The following PSKH1 variants were observed in gnomAD, a reference collection of about 807,000 sequenced individuals.
PSKH1 encodes the protein protein serine kinase H1, also known as serine/threonine-protein kinase H1.
A neutral mutation model predicts 26.7 loss-of-function variants in PSKH1; 12 were observed. That is an observed-to-expected ratio of 0.45 (90% CI 0.29 to 0.73). PSKH1 has a LOEUF of 0.73. PSKH1 is among the 30% of genes least tolerant of loss of function. PSKH1 has a pLI of 0.11. For missense variants in PSKH1, 431 were observed against 595.2 expected (o/e 0.72, Z 2.87); for synonymous variants, 213 against 234.3 (o/e 0.91, Z 0.83).
At chr16:67,908,545 A>C in intron 1 of PSKH1, 135 bp from the exon 2 acceptor site, 1 of 510,658 alleles carries the variant, frequency 2.0e-6, no homozygotes, top group Non-Finnish European at 3.5e-6. Flanking sequence ...TTGGGATTAC[A>C]GGTGTGAGCC....
Position 67,908,932 on chromosome 16 carries a change from C to T in PSKH1, c.183C>T (p.Pro61=). The change falls in exon 2 of 3, where the codon CCC becomes CCT. Residue 61 remains proline, a synonymous_variant. Transcript: ENST00000291041. ...GFPAASQYAH[P]CPGPPTAGHT... ...CAGCAGCAAGTCAGTATGCACACCCCTGCCCCGGTCCCCCGACTGCTGGCC... is the reference window on the plus strand; with the variant it reads ...CAGCAGCAAGTCAGTATGCACACCCTTGCCCCGGTCCCCCGACTGCTGGCC... 6.2e-7 allele frequency: 1 copy of T among 1,613,978 alleles called. No individual in the cohort carries two copies. Among genetic ancestry groups the T allele is most frequent in the Non-Finnish European group, 8.5e-7 (1 of 1,179,906 alleles).
rs1022397318 is a variant in PSKH1 at position 67,927,735 on chromosome 16, T to C, written c.*93T>C. ...GATGCCCTCTCTGGAGATAGGCCTATGTGGCCCACAGTAGGTGAAGAATGT... is the reference window on the plus strand; with the variant it reads ...GATGCCCTCTCTGGAGATAGGCCTACGTGGCCCACAGTAGGTGAAGAATGT... On this transcript the variant is annotated 3_prime_UTR_variant, in exon 3 of 3. Coordinates refer to ENST00000291041, the MANE Select transcript of PSKH1 (RefSeq NM_006742.3). This position sits in a 1 kb window ranked among gnomAD's most constrained non-coding sequence, Gnocchi z 5.5. The C allele has an allele frequency of 3.7e-6, 5 of 1,355,524 alleles. No homozygotes were observed. In the African/African-American group the frequency reaches 5.8e-5, roughly 16 times the overall value. The allele number at this position is 1,355,524 out of a possible 1,614,324, so 84.0% of individuals were successfully genotyped here. A position where few individuals can be genotyped will look rare whatever the true frequency, so the allele number is the denominator to read the frequency against.
chr16:67,917,025 C>T (rs1188436657), intron 2 of PSKH1, among the ~76,000 whole-genome samples: 1 of 152,244 alleles, frequency 6.6e-6, no homozygotes, highest in Non-Finnish European at 1.5e-5. Context: ...TCTGCCTCAA[C>T]TGTTCACGCT....
intron 1 of PSKH1, among the ~76,000 whole-genome samples, chr16:67,907,407 C>T (rs560606893): frequency 6.6e-6 from 1 of 152,054 alleles, no homozygotes; most frequent in East Asian, 1.9e-4. Flanking sequence ...ATTACAGGCG[C>T]CCACCACCAC....
intron 2 of PSKH1, among the ~76,000 whole-genome samples, chr16:67,910,701 C>G (rs932834752): frequency 6.6e-6 from 1 of 152,154 alleles, no homozygotes; most frequent in Admixed American, 6.6e-5. Flanking sequence ...TGAGGTTTCG[C>G]GACGTTGGCC....
chr16:67,924,956 T>TA (rs973981120), intron 2 of PSKH1, among the ~76,000 whole-genome samples: 80 of 151,276 alleles, frequency 5.3e-4, no homozygotes, highest in Non-Finnish European at 1.0e-3. Context: ...CTTTCTTTTT[T>TA]AAAAAAAAAT....
intron 2 of PSKH1, among the ~76,000 whole-genome samples, chr16:67,920,320 A>C (rs2058198695): frequency 6.6e-6 from 1 of 152,190 alleles, no homozygotes; most frequent in Non-Finnish European, 1.5e-5. Flanking sequence ...GGAGTGCAGT[A>C]GTGTGATTAT....
chr16:67,909,953 G>A lies in PSKH1; in HGVS notation c.957+247G>A. On this transcript the variant is annotated intron_variant, in intron 2 of 2. Coordinates refer to ENST00000291041, the MANE Select transcript of PSKH1 (RefSeq NM_006742.3). This position sits in a 1 kb window ranked among gnomAD's most constrained non-coding sequence, Gnocchi z 7.8. ...TTTGAGTAACTAAAAGTGAAGGAGT[G>A]GGAAAAGTGAGGCAGGAAGGGAGAA... 1.8e-6 allele frequency: 1 copy of A among 563,296 alleles called. No individual in the cohort carries two copies. The highest frequency in any genetic ancestry group is 3.2e-6 in the Non-Finnish European group (1 of 316,262). The allele number at this position is 563,296 out of a possible 1,614,324, so 34.9% of individuals were successfully genotyped here.
intron 2 of PSKH1, among the ~76,000 whole-genome samples, chr16:67,923,775 CAG>C (rs1423060803): frequency 6.6e-6 from 1 of 152,218 alleles, no homozygotes; most frequent in East Asian, 1.9e-4. Flanking sequence ...CTAGAACAAA[CAG>C]AGTTGTGGAG....
chr16:67,910,247 C>T (rs1217030940), intron 2 of PSKH1, among the ~76,000 whole-genome samples: 1 of 152,180 alleles, frequency 6.6e-6, no homozygotes, highest in African/African-American at 2.4e-5. Context: ...GAGATGCAGG[C>T]ACTGGCGGTG....
intron 2 of PSKH1, among the ~76,000 whole-genome samples, chr16:67,920,285 G>T (rs1349120488): frequency 6.6e-6 from 1 of 152,108 alleles, no homozygotes; most frequent in African/African-American, 2.4e-5. Context: ...TAGAGACAAG[G>T]TCTTGTTGTA....
At chr16:67,913,826 G>A (rs2058179683) in intron 2 of PSKH1, among the ~76,000 whole-genome samples, 1 of 152,196 alleles carries the variant, frequency 6.6e-6, no homozygotes, top group African/African-American at 2.4e-5. Context: ...AGGTGGTGTT[G>A]ATAACACTGA....
At chr16:67,904,106 C>T (rs1317869972) in intron 1 of PSKH1, among the ~76,000 whole-genome samples, 2 of 151,626 alleles carry the variant, frequency 1.3e-5, no homozygotes, top group East Asian at 3.9e-4. Flanking sequence ...ACCTATGCCT[C>T]CCAGGTTCAA....
At position 67,908,708 on chromosome 16, in the gene PSKH1, G is replaced by A; in HGVS notation, c.-42G>A. The A allele has an allele frequency of 6.5e-7, 1 of 1,529,484 alleles. No individual in the cohort carries two copies. The allele number at this position is 1,529,484 out of a possible 1,614,324, so 94.7% of individuals were successfully genotyped here. On this transcript the variant is annotated 5_prime_UTR_variant, in exon 2 of 3. Transcript: ENST00000291041. ...TAGACGGGGCACTGCCTTCAGAGCA[G>A]GTCCTGCCAGCCTCGCTGGAGAGGA...
chr16:67,919,988 C>A (rs2058197666), intron 2 of PSKH1, among the ~76,000 whole-genome samples: 1 of 152,236 alleles, frequency 6.6e-6, no homozygotes, highest in Non-Finnish European at 1.5e-5. Context: ...GCTGACCACC[C>A]ATAGCATCAC....
At position 67,909,115 on chromosome 16, in the gene PSKH1, G is replaced by A; in HGVS notation, c.366G>A (p.Gln122=). ...GTGTAGAGCACCGGGCAACCCGGCA[G>A]CCGTATGCCATCAAGATGATTGAGA... ...VVRVEHRATR[Q]PYAIKMIETK... The change falls in exon 2 of 3, where the codon CAG becomes CAA. Residue 122 remains glutamine, a synonymous_variant. Coordinates refer to ENST00000291041, the MANE Select transcript of PSKH1 (RefSeq NM_006742.3). The surrounding 1 kb of genome is among the most constrained non-coding windows in gnomAD (Gnocchi z 7.8). 1.2e-6 allele frequency: 2 copies of A among 1,613,758 alleles called. No individual in the cohort carries two copies. Among genetic ancestry groups the A allele is most frequent in the Non-Finnish European group, 1.7e-6 (2 of 1,179,892 alleles).
chr16:67,905,773 C>T (rs1373270323), intron 1 of PSKH1, among the ~76,000 whole-genome samples: 4 of 152,078 alleles, frequency 2.6e-5, no homozygotes, highest in South Asian at 2.1e-4. Context: ...GCATGAGAAT[C>T]GCTTGAACCC....
At chr16:67,915,001 G>A (rs941427763) in intron 2 of PSKH1, among the ~76,000 whole-genome samples, 1 of 152,282 alleles carries the variant, frequency 6.6e-6, no homozygotes, top group African/African-American at 2.4e-5. Context: ...TCTAATTGGA[G>A]CTTGCACAGT....
At chr16:67,926,164 A>C (rs1029275735) in intron 2 of PSKH1, among the ~76,000 whole-genome samples, 9 of 152,128 alleles carry the variant, frequency 5.9e-5, no homozygotes, top group Admixed American at 5.2e-4. Context: ...GAAAGGTCCT[A>C]GCTGCCTATC....
Sources: allele counts gnomAD v4.1 joint callset (sites outside exome capture counted in the v4.1 genomes callset), GRCh38; gene constraint gnomAD v4.1.1; non-coding constraint Gnocchi (gnomAD v3.1); transcripts MANE v1.5; gene names NCBI Gene and HGNC (gene_info 2026-07-23, HGNC 2026-07-21).